Variants in FAM20C observed in about 807,000 individuals in gnomAD.
The protein encoded by FAM20C is FAM20C golgi associated secretory pathway kinase.
Under a neutral mutation model 51.5 loss-of-function variants are expected in FAM20C, and 40 were observed. The ratio of observed to expected loss-of-function variants is 0.78; its 90% CI spans 0.60 to 1.01. The LOEUF is 1.01. FAM20C is among the 50% of genes least tolerant of loss of function. The pLI, the probability that FAM20C is intolerant of heterozygous loss-of-function variation, is 0.00. For synonymous variants in FAM20C, 406 were observed against 380.6 expected, an observed-to-expected ratio of 1.07 and a Z score of -0.78; for missense variants, 861 against 844.7, an observed-to-expected ratio of 1.02 and a Z score of -0.24.
intron 3 of FAM20C, among the ~76,000 whole-genome samples, chr7:212,080 T>C (rs1346563501): frequency 6.6e-6 from 1 of 152,290 alleles, no homozygotes; most frequent in Admixed American, 6.5e-5. Flanking sequence ...GGGATGATCG[T>C]TTCTTCTTCC....
intron 3 of FAM20C, 57 bp from the exon 4 acceptor site, chr7:246,358 G>A (rs1360619591): frequency 1.7e-5 from 24 of 1,412,214 alleles, no homozygotes; most frequent in East Asian, 5.0e-5. Context: ...GCCTGCCTCC[G>A]GCCCCTGGAG....
In FAM20C at chr7:193,384, A is replaced by C. The variant is rs942578514; in HGVS notation, c.185A>C (p.Gln62Pro). 70 of 1,342,838 alleles carry C rather than the reference A, an allele frequency of 5.2e-5. No individual in the cohort carries two copies. The highest frequency in any genetic ancestry group is 6.4e-5 in the Non-Finnish European group (66 of 1,039,166). 83.2% of individuals were successfully genotyped at this position (1,342,838 alleles called of 1,614,324 possible). A position where few individuals can be genotyped will look rare whatever the true frequency, so the allele number is the denominator to read the frequency against. The stretch of plus-strand genomic sequence containing the variant: ...GAGGTGGCCGCGCCCGGCTGGGCCC[A>C]GGTTCGGGGCCGCCCCGGGGAGCCC... Reference protein sequence around the residue: ...AAEVAAPGWAQVRGRPGEPPA... With the variant: ...AAEVAAPGWAPVRGRPGEPPA... Residue 62 changes from glutamine to proline, a missense_variant, in exon 1 of 10, where the codon CAG (glutamine) becomes CCG (proline). Gln to Pro is a moderately conservative substitution (Grantham distance 76). Around this residue, in one of 3 missense-constraint regions of FAM20C, gnomAD observed 561 missense variants for 499.8 expected, o/e 1.12. Coordinates refer to ENST00000313766, the MANE Select transcript of FAM20C (RefSeq NM_020223.4).
At chr7:216,669 CAGAGTG>C (rs1786989281) in intron 3 of FAM20C, among the ~76,000 whole-genome samples, 2 of 112,392 alleles carry the variant, frequency 1.8e-5, no homozygotes, top group Non-Finnish European at 3.7e-5. Context: ...GTGTGAGAGA[CAGAGTG>C]TGTGTGAGAG....
At chr7:206,839 C>T (rs1261138229) in intron 2 of FAM20C, among the ~76,000 whole-genome samples, 2 of 104,242 alleles carry the variant, frequency 1.9e-5, no homozygotes, top group Non-Finnish European at 3.7e-5. Context: ...GCCCCGCACA[C>T]GTGTCCACTG....
intron 2 of FAM20C, among the ~76,000 whole-genome samples, chr7:200,260 G>T (rs56015142): frequency 7.7e-6 from 1 of 129,426 alleles, no homozygotes; most frequent in African/African-American, 2.9e-5. Flanking sequence ...TGCAGGTCAC[G>T]GTCCCAGGGC....
chr7:232,472 G>A (rs1787731472), intron 3 of FAM20C, among the ~76,000 whole-genome samples: 1 of 152,214 alleles, frequency 6.6e-6, no homozygotes, highest in African/African-American at 2.4e-5. Flanking sequence ...GTAGAGCAGG[G>A]GGTCCCGAAG....
chr7:205,533 C>T (rs1786337813), intron 2 of FAM20C, among the ~76,000 whole-genome samples: 1 of 152,224 alleles, frequency 6.6e-6, no homozygotes, highest in Non-Finnish European at 1.5e-5. Context: ...AGCCGCCGCA[C>T]TCGGGCACTG....
chr7:204,801 G>A (rs1424138982), intron 2 of FAM20C, among the ~76,000 whole-genome samples: 1 of 152,190 alleles, frequency 6.6e-6, no homozygotes, highest in Non-Finnish European at 1.5e-5. Flanking sequence ...CACTCGTGTG[G>A]CCTTCGCTGT....
intron 5 of FAM20C, among the ~76,000 whole-genome samples, chr7:249,904 C>T (rs894080463): frequency 6.6e-6 from 1 of 152,152 alleles, no homozygotes; most frequent in East Asian, 1.9e-4. Context: ...GTCCCGGACT[C>T]GGTCCCCTAT....
At position 259,293 on chromosome 7, in the gene FAM20C, G is replaced by A. The variant is rs568975126; in HGVS notation, c.1506-438G>A. ...GCCGGGCCCCTCTGGGAAATACACC[G>A]GCCACCACATCCTGCAAGGGCACCC... is the stretch of plus-strand genomic sequence containing the variant. On this transcript the variant is annotated intron_variant, in intron 9 of 9. Coordinates refer to ENST00000313766, the MANE Select transcript of FAM20C (RefSeq NM_020223.4). 1.2e-4 allele frequency among the ~76,000 whole-genome samples: 18 copies of A among 152,252 alleles called. No homozygotes were observed. The South Asian group carries it at 1.7e-3, about 14-fold the overall frequency.
chr7:245,675 A>G (rs1408473582), intron 3 of FAM20C, among the ~76,000 whole-genome samples: 5 of 152,236 alleles, frequency 3.3e-5, no homozygotes, highest in African/African-American at 7.2e-5. Flanking sequence ...CACCATGACC[A>G]CATCGGTCAA....
intron 3 of FAM20C, among the ~76,000 whole-genome samples, chr7:211,933 G>GC (rs56013941): frequency 0.13 from 19,905 of 152,118 alleles, 1,648 homozygotes; most frequent in African/African-American, 0.23. Flanking sequence ...TCTCACCGCC[G>GC]CCCCCCAGGT....
At chr7:199,199 G>C (rs760240431) in intron 2 of FAM20C, among the ~76,000 whole-genome samples, 14 of 152,262 alleles carry the variant, frequency 9.2e-5, no homozygotes, top group Non-Finnish European at 1.3e-4. Flanking sequence ...GGGCCCTTCT[G>C]AGTACGAACT....
chr7:236,804 T>TTATGGTCGGGGTTTCATGCGGA (rs1317506609), intron 3 of FAM20C, among the ~76,000 whole-genome samples: 1 of 104,658 alleles, frequency 9.6e-6, no homozygotes, highest in Non-Finnish European at 1.9e-5. Flanking sequence ...GGGGTCCCGG[T>TTATGGTCGGGGTTTCATGCGGA]GGCTGTCGGG....
chr7:216,672 AGTGTGTGTGAGAGTGT>A (rs1438345356), intron 3 of FAM20C, among the ~76,000 whole-genome samples: 1 of 104,698 alleles, frequency 9.6e-6, no homozygotes, highest in Non-Finnish European at 2.0e-5. Flanking sequence ...TGAGAGACAG[AGTGTGTGTGAGAGTGT>A]GTGTGTGTGT....
At chr7:255,744 T>G in intron 5 of FAM20C, 105 bp from the exon 6 acceptor site, 1 of 1,254,764 alleles carries the variant, frequency 8.0e-7, no homozygotes, top group Non-Finnish European at 1.1e-6. Flanking sequence ...GTCCTGCCCA[T>G]GAGAAGCACC....
At chr7:228,860 T>G (rs1192448937) in intron 3 of FAM20C, 2 of 454,108 alleles carry the variant, frequency 4.4e-6, no homozygotes, top group Non-Finnish European at 8.9e-6. Context: ...AACAACTGCA[T>G]GCTGGCTGGA....
chr7:254,852 C>T (rs1292172399), intron 5 of FAM20C, among the ~76,000 whole-genome samples: 1 of 152,196 alleles, frequency 6.6e-6, no homozygotes, highest in African/African-American at 2.4e-5. Flanking sequence ...GGTCATACGA[C>T]GTGTGGCCTC....
chr7:259,929 C>T lies in FAM20C; in HGVS notation c.1704C>T (p.Ser568=), dbSNP rs371567802. The T allele has an allele frequency of 2.4e-5, 37 of 1,532,556 alleles. No individual in the cohort carries two copies. In the African/African-American group the frequency reaches 2.9e-4, roughly 12 times the overall value. 94.9% of individuals were successfully genotyped at this position (1,532,556 alleles called of 1,614,324 possible). A position where few individuals can be genotyped will look rare whatever the true frequency, so the allele number is the denominator to read the frequency against. ...GCGTGGAGAGGAACGGGCTCCACAG[C>T]GTGGTGGATGACGACCTGGACACTG... ...RDCVERNGLH[S]VVDDDLDTEH... Residue 568 remains serine, a synonymous_variant, in exon 10 of 10, where the codon AGC becomes AGT. Transcript: ENST00000313766.
Sources: gnomAD v4.1 joint callset for allele counts (sites outside exome capture counted in the v4.1 genomes callset) on GRCh38, gnomAD v4.1.1 for gene constraint, gnomAD v4.1.1 regional missense constraint, MANE v1.5 for transcripts, NCBI Gene and HGNC (gene_info 2026-07-23, HGNC 2026-07-21) for gene names.